Variants in ERBIN observed in about 807,000 individuals in gnomAD.
ERBIN encodes densin-180-like protein.
Under a neutral mutation model 158.4 loss-of-function variants are expected in ERBIN, and 60 were observed. That is an observed-to-expected ratio of 0.38 (90% CI 0.31 to 0.47). The LOEUF (loss-of-function observed/expected upper bound fraction) is 0.47, where lower values mean the gene tolerates loss of function less well. Among genes scored for constraint, ERBIN ranks in the 20% least tolerant of loss-of-function variants. ERBIN has a pLI of 0.99. For missense variants in ERBIN, 1,610 were observed against 1,648.0 expected (o/e 0.98, Z 0.40); for synonymous variants, 594 against 557.2 (o/e 1.07, Z -0.93).
At chr5:65,976,723 G>T (rs1047577399) in intron 1 of ERBIN, among the ~76,000 whole-genome samples, 33 of 151,238 alleles carry the variant, frequency 2.2e-4, no homozygotes, top group Middle Eastern at 3.4e-3. Flanking sequence ...TGACTCTTAC[G>T]GAGCATGCTG....
chr5:65,930,578 G>A (rs1216378001), intron 1 of ERBIN, among the ~76,000 whole-genome samples: 1 of 152,190 alleles, frequency 6.6e-6, no homozygotes, highest in Non-Finnish European at 1.5e-5. Context: ...AAAGTGCTGG[G>A]ATTACAGGCA....
rs1225774415 is a variant in ERBIN at position 66,082,144 on chromosome 5, A to G, written c.*3614A>G. ...TCAAGATTAGAATCTGTGGTCAGCTATAACGTACAGTCCTAATATCCAACC... is the reference window on the plus strand; with the variant it reads ...TCAAGATTAGAATCTGTGGTCAGCTGTAACGTACAGTCCTAATATCCAACC... On this transcript the variant is annotated 3_prime_UTR_variant, in exon 26 of 26. Transcript: ENST00000284037. 6.6e-6 allele frequency: 1 copy of G among 152,226 alleles called. No homozygotes were observed. Among genetic ancestry groups the G allele is most frequent in the Non-Finnish European group, 1.5e-5 (1 of 68,034 alleles). The allele number at this position is 152,226 out of a possible 1,614,324, so 9.4% of individuals were successfully genotyped here.
intron 25 of ERBIN, 118 bp from the exon 26 acceptor site, chr5:66,078,305 A>T: frequency 3.0e-6 from 2 of 669,414 alleles, no homozygotes; most frequent in Non-Finnish European, 5.2e-6. Flanking sequence ...GTGAATCTGT[A>T]TGTTATTTTA....
intron 8 of ERBIN, among the ~76,000 whole-genome samples, chr5:66,022,271 C>G (rs1403974229): frequency 1.3e-5 from 2 of 151,980 alleles, no homozygotes; most frequent in African/African-American, 4.8e-5. Context: ...TGTATGAATC[C>G]GTTTCCGTAT....
rs1484115963 is a variant in ERBIN at position 66,053,881 on chromosome 5, G to C, written c.2563G>C (p.Asp855His). ...CTTAGGTATTTCCAAAAGCACTGAA[G>C]ATCTCTCCCCTCAGAAAAGTGGTCC... ...VDLGISKSTE[D>H]LSPQKSGPVG... Residue 855 changes from aspartate to histidine, a missense_variant, in exon 21 of 26, where the codon GAT becomes CAT. This residue lies in a region of ERBIN where 1,014 missense variants were observed against 936.1 expected (regional missense o/e 1.08). Transcript: ENST00000284037. 5 of 1,614,116 alleles carry C rather than the reference G, an allele frequency of 3.1e-6. No individual in the cohort carries two copies. The East Asian group carries it at 8.9e-5, about 29-fold the overall frequency.
intron 4 of ERBIN, among the ~76,000 whole-genome samples, chr5:66,007,583 A>G (rs1327263226): frequency 1.3e-5 from 2 of 151,998 alleles, no homozygotes; most frequent in African/African-American, 4.8e-5. Flanking sequence ...GTTGTACCCA[A>G]CATTTAACAG....
chr5:65,984,124 T>C (rs1036261731), intron 1 of ERBIN, among the ~76,000 whole-genome samples: 3 of 142,118 alleles, frequency 2.1e-5, no homozygotes, highest in African/African-American at 9.4e-5. Flanking sequence ...CCTAACATAT[T>C]GGCCGGCAAG....
intron 1 of ERBIN, among the ~76,000 whole-genome samples, chr5:65,980,722 G>GA (rs1045273526): frequency 0.022 from 3,280 of 147,486 alleles, 122 homozygotes; most frequent in African/African-American, 0.072. Flanking sequence ...TTACTAGCGG[G>GA]AAAAAAAAAA....
chr5:66,029,382 C>T (rs1195905104), intron 14 of ERBIN, among the ~76,000 whole-genome samples: 1 of 151,780 alleles, frequency 6.6e-6, no homozygotes, highest in Non-Finnish European at 1.5e-5. Context: ...CTGTATTTTC[C>T]CAGTGTTGGG....
intron 4 of ERBIN, among the ~76,000 whole-genome samples, chr5:66,003,675 A>G (rs1319128845): frequency 6.6e-6 from 1 of 152,108 alleles, no homozygotes; most frequent in Admixed American, 6.6e-5. Flanking sequence ...TTGGTGTGAT[A>G]TTGATGTTCT....
intron 7 of ERBIN, among the ~76,000 whole-genome samples, chr5:66,017,899 A>G (rs912277215): frequency 2.6e-5 from 4 of 152,090 alleles, no homozygotes; most frequent in Non-Finnish European, 5.9e-5. Flanking sequence ...ATTTTTCTGC[A>G]TATAGTTATC....
intron 14 of ERBIN, among the ~76,000 whole-genome samples, chr5:66,029,026 T>A (rs1462948271): frequency 6.6e-6 from 1 of 152,242 alleles, no homozygotes; most frequent in Non-Finnish European, 1.5e-5. Flanking sequence ...TGTGTATTTG[T>A]GTACACACAC....
At chr5:66,030,302 A>G (rs1467666659) in intron 14 of ERBIN, among the ~76,000 whole-genome samples, 1 of 151,192 alleles carries the variant, frequency 6.6e-6, no homozygotes, top group Non-Finnish European at 1.5e-5. Flanking sequence ...TCGGCCTCCC[A>G]AAGTGCTGGG....
At chr5:66,012,813 A>C (rs544184354) in intron 5 of ERBIN, among the ~76,000 whole-genome samples, 1 of 152,250 alleles carries the variant, frequency 6.6e-6, no homozygotes, top group Non-Finnish European at 1.5e-5. Flanking sequence ...TCAACAAAAA[A>C]TAGAAGTAAA....
At chr5:66,026,564 A>C in intron 13 of ERBIN, 147 bp downstream of exon 13, 1 of 403,730 alleles carries the variant, frequency 2.5e-6, no homozygotes, top group East Asian at 3.7e-5. Context: ...AGGCTCTTGG[A>C]AAGTGTGACT....
intron 1 of ERBIN, among the ~76,000 whole-genome samples, chr5:65,960,820 A>C (rs1747822217): frequency 6.6e-6 from 1 of 152,126 alleles, no homozygotes; most frequent in Non-Finnish European, 1.5e-5. Flanking sequence ...CTTTGTCTTT[A>C]TATGTTTACA....
rs1758710188 is a variant in ERBIN at position 66,048,697 on chromosome 5, A to T, written c.1819A>T (p.Met607Leu). 5.6e-6 allele frequency: 9 copies of T among 1,608,968 alleles called. No individual in the cohort carries two copies. The highest frequency in any genetic ancestry group is 7.6e-6 in the Non-Finnish European group (9 of 1,177,572). The change falls in exon 19 of 26, where the codon ATG (methionine) becomes TTG (leucine). Residue 607 changes from methionine (M) to leucine (L), a missense_variant. Transcript: ENST00000284037. ...TGAAGAACTTTCTTCTGATGAAGAG[A>T]TGAAAATGGCGGAGATGCGACCACC... Reference protein sequence around the residue: ...ESEELSSDEEMKMAEMRPPLI... With the variant: ...ESEELSSDEELKMAEMRPPLI...
chr5:65,940,200 C>T (rs1744681420), intron 1 of ERBIN, among the ~76,000 whole-genome samples: 3 of 151,314 alleles, frequency 2.0e-5, no homozygotes, highest in South Asian at 2.1e-4. Context: ...TGCCCCGCCG[C>T]CCCGTCTGGG....
intron 14 of ERBIN, among the ~76,000 whole-genome samples, chr5:66,032,096 G>A (rs1405911395): frequency 6.6e-6 from 1 of 152,132 alleles, no homozygotes; most frequent in Non-Finnish European, 1.5e-5. Context: ...AAGCAGCATA[G>A]TATATTCCAT....
Sources: allele counts gnomAD v4.1 joint callset (sites outside exome capture counted in the v4.1 genomes callset), GRCh38; gene constraint gnomAD v4.1.1; regional missense constraint gnomAD v4.1.1; transcripts MANE v1.5; gene names NCBI Gene and HGNC (gene_info 2026-07-23, HGNC 2026-07-21).